Variants in CTNNBIP1 observed in about 807,000 individuals in gnomAD.
CTNNBIP1 encodes beta-catenin-interacting protein 1.
Under a neutral mutation model 11.8 loss-of-function variants are expected in CTNNBIP1, and 7 were observed. That is an observed-to-expected ratio of 0.60 (90% CI 0.34 to 1.12). The LOEUF is 1.12. CTNNBIP1 is among the 50% of genes most tolerant of loss of function. The pLI, the probability that CTNNBIP1 is intolerant of heterozygous loss-of-function variation, is 0.03. For synonymous variants in CTNNBIP1, 58 were observed against 43.9 expected (o/e 1.32, Z -1.26); for missense variants, 101 against 113.4 (o/e 0.89, Z 0.50).
intron 1 of CTNNBIP1, among the ~76,000 whole-genome samples, chr1:9,888,165 T>C (rs1639223628): frequency 1.3e-5 from 2 of 151,938 alleles, no homozygotes; most frequent in African/African-American, 4.8e-5. Flanking sequence ...GCACAGTGGC[T>C]CATGCCTGTA....
At chr1:9,869,916 G>A (rs6541067) in intron 5 of CTNNBIP1, among the ~76,000 whole-genome samples, 10,795 of 152,272 alleles carry the variant, frequency 0.071, 1,307 homozygotes, top group African/African-American at 0.24. Context: ...GGCGGGAGCC[G>A]ACGCCACATA....
chr1:9,908,119 C>T (rs916668014), intron 1 of CTNNBIP1, among the ~76,000 whole-genome samples: 7 of 152,192 alleles, frequency 4.6e-5, no homozygotes, highest in Non-Finnish European at 7.3e-5. Context: ...AGTGCAGTGG[C>T]GCAATCTCGG....
chr1:9,879,566 G>A (rs989316701), intron 2 of CTNNBIP1, among the ~76,000 whole-genome samples: 2 of 152,096 alleles, frequency 1.3e-5, no homozygotes, highest in African/African-American at 2.4e-5. Flanking sequence ...CGCCTCCACC[G>A]TCAGACTAAC....
At position 9,851,503 on chromosome 1, in the gene CTNNBIP1, T is replaced by C. The variant is rs969962267; in HGVS notation, c.188-727A>G. ...CTCCTGCCTCAGCCTCCTGAGTAGC[T>C]GGGATTACAGGTGTGCATCACCACG... On this transcript the variant is annotated intron_variant, in intron 5 of 5. Coordinates refer to ENST00000377263, the MANE Select transcript of CTNNBIP1 (RefSeq NM_020248.3). The surrounding 1 kb of genome is among the most constrained non-coding windows in gnomAD (Gnocchi z 4.8). Among the ~76,000 whole-genome samples the C allele has an allele frequency of 3.2e-4, 49 of 152,132 alleles. No homozygotes were observed. The highest frequency in any genetic ancestry group is 1.2e-3 in the African/African-American group (49 of 41,412).
rs1455045170 is a variant in CTNNBIP1 at position 9,872,672 on chromosome 1, C to A, written c.-24-584G>T. On this transcript the variant is annotated intron_variant, in intron 3 of 5. Transcript: ENST00000377263. This position sits in a 1 kb window ranked among gnomAD's most constrained non-coding sequence, Gnocchi z 4.0. ...CAAGGGGTCCCTTGATGGAAAGACG[C>A]TGGCCCAGGGTTGCAGGGCTTGCTA... is the stretch of plus-strand genomic sequence containing the variant. Among the ~76,000 whole-genome samples, 1 of 152,196 alleles carries A rather than the reference C, an allele frequency of 6.6e-6. No individual in the cohort carries two copies. The highest frequency in any genetic ancestry group is 2.4e-5 in the African/African-American group (1 of 41,460).
chr1:9,858,387 C>T (rs1447073916), intron 5 of CTNNBIP1, among the ~76,000 whole-genome samples: 1 of 152,186 alleles, frequency 6.6e-6, no homozygotes, highest in Non-Finnish European at 1.5e-5. Context: ...AGGACCCACA[C>T]ACGCTGGTCT....
In CTNNBIP1 at chr1:9,850,634, G is replaced by T; in HGVS notation, c.*84C>A. 1 of 1,283,770 alleles carries T rather than the reference G, an allele frequency of 7.8e-7. No individual in the cohort carries two copies. The highest frequency in any genetic ancestry group is 1.2e-5 in the South Asian group (1 of 84,372). The allele number at this position is 1,283,770 out of a possible 1,614,324, so 79.5% of individuals were successfully genotyped here. On this transcript the variant is annotated 3_prime_UTR_variant, in exon 6 of 6. Transcript: ENST00000377263. ...GGGGAAGGGGGAGGTGGGGCAAGGG[G>T]GGCTGCTGCCACTCAGCCGGCCCAG...
chr1:9,896,005 C>G, intron 1 of CTNNBIP1, among the ~76,000 whole-genome samples: 1 of 152,208 alleles, frequency 6.6e-6, no homozygotes, highest in East Asian at 1.9e-4. Flanking sequence ...TTCCCCCTCC[C>G]CCTCAATTTG....
Position 9,871,167 on chromosome 1 carries a change from C to CCCCTCTG in CTNNBIP1, c.187+13_187+19dup. 2 of 1,545,294 alleles carry CCCCTCTG rather than the reference C, an allele frequency of 1.3e-6. No individual in the cohort carries two copies. Among genetic ancestry groups the CCCCTCTG allele is most frequent in the Non-Finnish European group, 1.7e-6 (2 of 1,143,062 alleles). ...CCTGGGACTTGTGCCACTGCCCCAG[C>CCCCTCTG]CCCTCTGCCGCCAACTCACCCTGGT... On this transcript the variant is annotated intron_variant, in intron 5 of 5. Coordinates refer to ENST00000377263, the MANE Select transcript of CTNNBIP1 (RefSeq NM_020248.3). This position sits in a 1 kb window ranked among gnomAD's most constrained non-coding sequence, Gnocchi z 5.2.
In CTNNBIP1 at chr1:9,849,763, A is replaced by C. The variant is rs1197668951; in HGVS notation, c.*955T>G. Reference sequence around the variant, plus strand: ...GCCGGTGGGGCCTGGACGGTGCCTCAGCAATCCCTTTCTCACCAAGGGACG... The same window carrying C: ...GCCGGTGGGGCCTGGACGGTGCCTCCGCAATCCCTTTCTCACCAAGGGACG... On this transcript the variant is annotated 3_prime_UTR_variant, in exon 6 of 6. Coordinates refer to ENST00000377263, the MANE Select transcript of CTNNBIP1 (RefSeq NM_020248.3). The C allele has an allele frequency of 2.6e-5, 4 of 152,356 alleles. No homozygotes were observed. The highest frequency in any genetic ancestry group is 5.9e-5 in the Non-Finnish European group (4 of 68,134). 9.4% of individuals were successfully genotyped at this position (152,356 alleles called of 1,614,324 possible). A position where few individuals can be genotyped will look rare whatever the true frequency, so the allele number is the denominator to read the frequency against.
intron 1 of CTNNBIP1, among the ~76,000 whole-genome samples, chr1:9,908,108 G>A (rs1176871394): frequency 1.3e-5 from 2 of 152,218 alleles, no homozygotes; most frequent in African/African-American, 2.4e-5. Context: ...GCCCAGGCTG[G>A]AGTGCAGTGG....
rs973973407 is a variant in CTNNBIP1, at chr1:9,848,601, C to G, written c.*2117G>C. 3 of 152,276 alleles carry G rather than the reference C, an allele frequency of 2.0e-5. No individual in the cohort carries two copies. The highest frequency in any genetic ancestry group is 4.4e-5 in the Non-Finnish European group (3 of 68,078). The allele number at this position is 152,276 out of a possible 1,614,324, so 9.4% of individuals were successfully genotyped here. ...AACTCACCTTTCCCCAGGGGCTCAG[C>G]CAGACCTCCAGGCCCCTGAGCGGGG... On this transcript the variant is annotated 3_prime_UTR_variant, in exon 6 of 6. Transcript: ENST00000377263. The surrounding 1 kb of genome is among the most constrained non-coding windows in gnomAD (Gnocchi z 4.3).
intron 1 of CTNNBIP1, among the ~76,000 whole-genome samples, chr1:9,884,059 C>T (rs1639135485): frequency 6.6e-6 from 1 of 152,096 alleles, no homozygotes. Context: ...ACAGAAAAGG[C>T]TCCCGTGGAA....
In CTNNBIP1 at chr1:9,850,885, G is replaced by C. The variant is rs1003005312; in HGVS notation, c.188-109C>G. 121 of 993,998 alleles carry C rather than the reference G, an allele frequency of 1.2e-4. 1 individual carries two copies. The highest frequency in any genetic ancestry group is 2.0e-4 in the Admixed American group (12 of 58,592). 61.6% of individuals were successfully genotyped at this position (993,998 alleles called of 1,614,324 possible). ...TGGAGCCCCCGCCCACCAGGATCGCGGCACTCTCTGAGGACAAAGTACTTC... is the reference window on the plus strand; with the variant it reads ...TGGAGCCCCCGCCCACCAGGATCGCCGCACTCTCTGAGGACAAAGTACTTC... On this transcript the variant is annotated intron_variant, in intron 5 of 5. Transcript: ENST00000377263.
At chr1:9,857,261 A>G (rs1296328924) in intron 5 of CTNNBIP1, among the ~76,000 whole-genome samples, 1 of 151,498 alleles carries the variant, frequency 6.6e-6, no homozygotes, top group African/African-American at 2.4e-5. Flanking sequence ...TGGGCAGATC[A>G]CAAGGTCAGG....
intron 3 of CTNNBIP1, among the ~76,000 whole-genome samples, chr1:9,874,034 C>T (rs1360618211): frequency 6.6e-6 from 1 of 152,202 alleles, no homozygotes; most frequent in Non-Finnish European, 1.5e-5. Context: ...TTAAACCTAC[C>T]TGAGAATGCA....
intron 5 of CTNNBIP1, among the ~76,000 whole-genome samples, chr1:9,857,076 C>T (rs564161784): frequency 5.4e-5 from 8 of 148,396 alleles, no homozygotes; most frequent in Admixed American, 5.4e-4. Flanking sequence ...GAGCCAAGAT[C>T]ACGCCACTGC....
chr1:9,876,845 TACACACACACACAC>T (rs34192085), intron 3 of CTNNBIP1, among the ~76,000 whole-genome samples: 92 of 138,196 alleles, frequency 6.7e-4, no homozygotes, highest in East Asian at 1.9e-3. Context: ...CTGCTATACA[TACACACACACACAC>T]ACACACACAC....
Position 9,859,263 on chromosome 1 carries a change from G to C in CTNNBIP1, c.188-8487C>G, listed in dbSNP as rs146832396. Among the ~76,000 whole-genome samples the C allele has an allele frequency of 7.3e-3, 1,112 of 152,382 alleles. 6 individuals carry two copies. Among genetic ancestry groups the C allele is most frequent in the Non-Finnish European group, 0.013 (857 of 68,034 alleles). On this transcript the variant is annotated intron_variant, in intron 5 of 5. Coordinates refer to ENST00000377263, the MANE Select transcript of CTNNBIP1 (RefSeq NM_020248.3). Reference sequence around the variant, plus strand: ...AGGCGCAGCTTTCTAAACCAGGACAGGGTATCCAGCAGGCCCTCCCATCCT... The same window carrying C: ...AGGCGCAGCTTTCTAAACCAGGACACGGTATCCAGCAGGCCCTCCCATCCT...
Sources: gnomAD v4.1 joint callset for allele counts (sites outside exome capture counted in the v4.1 genomes callset) on GRCh38, gnomAD v4.1.1 for gene constraint, Gnocchi (gnomAD v3.1) non-coding constraint, MANE v1.5 for transcripts, NCBI Gene and HGNC (gene_info 2026-07-23, HGNC 2026-07-21) for gene names.